The following ZNF44 variants were observed in gnomAD, a reference collection of about 807,000 sequenced individuals.
ZNF44 encodes gonadotropin inducible transcription repressor-2.
Under a neutral mutation model 11.7 loss-of-function variants are expected in ZNF44, and 9 were observed. The observed-to-expected ratio is 0.77, with a 90% CI of 0.46 to 1.35. The LOEUF is 1.35. Ranked by LOEUF, ZNF44 falls within the 40% of genes most tolerant of loss-of-function variation. The pLI is 0.00. For synonymous variants in ZNF44, 224 were observed against 242.7 expected (o/e 0.92, Z 0.72); for missense variants, 696 against 743.1 (o/e 0.94, Z 0.74).
At chr19:12,277,751 A>G (rs1295430402) in intron 1 of ZNF44, among the ~76,000 whole-genome samples, 1 of 150,382 alleles carries the variant, frequency 6.6e-6, no homozygotes. Context: ...ATCACCACAG[A>G]GTGTACAGAT....
intron 5 of ZNF44, among the ~76,000 whole-genome samples, chr19:12,259,105 G>A (rs758473742): frequency 2.6e-5 from 4 of 151,978 alleles, no homozygotes; most frequent in Non-Finnish European, 4.4e-5. Flanking sequence ...GAACTCATGG[G>A]CTCCAGCAAT....
At position 12,248,174 on chromosome 19, in the gene ZNF44, T is replaced by C. The variant is rs572887293; in HGVS notation, c.*691A>G. The C allele has an allele frequency of 5.1e-5, 66 of 1,306,010 alleles. No individual in the cohort carries two copies. The East Asian group carries it at 3.3e-3, about 64-fold the overall frequency. 80.9% of individuals were successfully genotyped at this position (1,306,010 alleles called of 1,614,324 possible). A position where few individuals can be genotyped will look rare whatever the true frequency, so the allele number is the denominator to read the frequency against. ...GAGCAGAATGGCGGTAAATGAAGGGTTTCCCACATTCCTTACATTTGTAGG... is the reference window on the plus strand; with the variant it reads ...GAGCAGAATGGCGGTAAATGAAGGGCTTCCCACATTCCTTACATTTGTAGG... On this transcript the variant is annotated 3_prime_UTR_variant and NMD_transcript_variant, in exon 8 of 8. Coordinates refer to the ZNF44 transcript ENST00000393337.
At chr19:12,230,701 T>C (rs1041930527) in intron 2 of ZNF44, among the ~76,000 whole-genome samples, 2 of 152,218 alleles carry the variant, frequency 1.3e-5, no homozygotes. Context: ...CGGCACCAAA[T>C]GTAAGAGTTA....
chr19:12,268,131 T>TACACACACACAG (rs1917798951), downstream of ZNF44, among the ~76,000 whole-genome samples: 2 of 106,704 alleles, frequency 1.9e-5, no homozygotes, highest in African/African-American at 4.4e-5. Flanking sequence ...TTGGTGTTCT[T>TACACACACACAG]ACACACACAC....
downstream of ZNF44, among the ~76,000 whole-genome samples, chr19:12,245,112 T>A (rs764363845): frequency 8.9e-4 from 135 of 152,298 alleles, no homozygotes; most frequent in Non-Finnish European, 1.6e-3. Context: ...GTAAGAATTT[T>A]AAAAAATTTT....
chr19:12,241,004 C>T (rs557096475), upstream of ZNF44, among the ~76,000 whole-genome samples: 30 of 152,160 alleles, frequency 2.0e-4, no homozygotes, highest in South Asian at 6.2e-4. Context: ...TTGCAAATCA[C>T]GTATCTTGGA....
chr19:12,289,475 T>C (rs1967910266), intron 1 of ZNF44, among the ~76,000 whole-genome samples: 2 of 152,044 alleles, frequency 1.3e-5, no homozygotes, highest in Admixed American at 1.3e-4. Context: ...CTCTGTGATC[T>C]AGAATCTGAT....
At chr19:12,270,443 C>A (rs1458443414), downstream of ZNF44, among the ~76,000 whole-genome samples, 2 of 151,574 alleles carry the variant, frequency 1.3e-5, no homozygotes, top group Non-Finnish European at 2.9e-5. Context: ...CAATTTACAC[C>A]CATTTCAACT....
intron 7 of ZNF44, among the ~76,000 whole-genome samples, chr19:12,249,099 G>A (rs1220817508): frequency 6.6e-6 from 1 of 151,878 alleles, no homozygotes; most frequent in Non-Finnish European, 1.5e-5. Context: ...ATGTTGCCGA[G>A]GCTGGTCTTG....
chr19:12,252,093 A>G (rs1000258469), intron 5 of ZNF44, among the ~76,000 whole-genome samples: 8 of 152,038 alleles, frequency 5.3e-5, no homozygotes, highest in Admixed American at 3.3e-4. Flanking sequence ...AATAAAGTGC[A>G]TTAAAGTCCA....
chr19:12,275,271 A>G (rs1212424962), intron 2 of ZNF44, among the ~76,000 whole-genome samples: 2 of 152,174 alleles, frequency 1.3e-5, no homozygotes, highest in African/African-American at 4.8e-5. Context: ...TGTGAAGATG[A>G]GGATGAAAAC....
chr19:12,248,670 A>G (rs751343747), exon 8 of ZNF44: 81 of 1,271,856 alleles, frequency 6.4e-5, no homozygotes, highest in Non-Finnish European at 8.1e-5. Flanking sequence ...TCTCTCTACC[A>G]TATGATTTCT....
At chr19:12,266,380 G>A (rs1917727359) in intron 5 of ZNF44, 2 of 974,616 alleles carry the variant, frequency 2.1e-6, no homozygotes, top group Non-Finnish European at 1.2e-6. Context: ...AGCACTTTCA[G>A]AGAAGCCGAG....
At chr19:12,258,326 T>C (rs1390858895) in intron 5 of ZNF44, among the ~76,000 whole-genome samples, 1 of 111,902 alleles carries the variant, frequency 8.9e-6, no homozygotes, top group Non-Finnish European at 1.8e-5. Flanking sequence ...AGTGAGATCT[T>C]GTCTCAAAAA....
chr19:12,225,651 A>G (rs1196591522), downstream of ZNF44, among the ~76,000 whole-genome samples: 1 of 152,240 alleles, frequency 6.6e-6, no homozygotes, highest in Non-Finnish European at 1.5e-5. Context: ...GCTACAGTAT[A>G]TAGTCCTACT....
At chr19:12,261,875 T>G (rs1917523060) in intron 5 of ZNF44, among the ~76,000 whole-genome samples, 1 of 152,216 alleles carries the variant, frequency 6.6e-6, no homozygotes, top group Admixed American at 6.5e-5. Context: ...GTGTGTATTT[T>G]AAATGATTGA....
chr19:12,246,824 GCGGCCA>G (rs1568426083), downstream of ZNF44, among the ~76,000 whole-genome samples: 50 of 149,980 alleles, frequency 3.3e-4, no homozygotes, highest in African/African-American at 7.4e-4. Flanking sequence ...CTAGAAGTCC[GCGGCCA>G]GCCTGGGCAA....
chr19:12,288,330 C>T (rs1967848158), intron 1 of ZNF44, among the ~76,000 whole-genome samples: 1 of 152,160 alleles, frequency 6.6e-6, no homozygotes, highest in South Asian at 2.1e-4. Flanking sequence ...AGACATATGT[C>T]AGCCCTCCAA....
chr19:12,255,132 A>C lies in ZNF44; in HGVS notation c.1913-4764T>G, dbSNP rs56665847. ...CACACACACACACACACACACACACACCCCTTTGTGGGACACAGCAAAAGT... is the reference window on the plus strand; with the variant it reads ...CACACACACACACACACACACACACCCCCCTTTGTGGGACACAGCAAAAGT... On this transcript the variant is annotated intron_variant and NMD_transcript_variant, in intron 5 of 7. Transcript: ENST00000393337. 7.2e-3 allele frequency among the ~76,000 whole-genome samples: 1,044 copies of C among 145,182 alleles called. 16 individuals are homozygous for C. The highest frequency in any genetic ancestry group is 0.025 in the African/African-American group (966 of 38,276).
Sources: allele counts gnomAD v4.1 joint callset (sites outside exome capture counted in the v4.1 genomes callset), GRCh38; gene constraint gnomAD v4.1.1; transcripts MANE v1.5; gene names NCBI Gene and HGNC (gene_info 2026-07-23, HGNC 2026-07-21).